CECR2: variants seen among roughly 807,000 people sequenced by gnomAD.
CECR2 encodes chromatin remodeling regulator CECR2.
In CECR2, 30 loss-of-function variants were observed where a neutral mutation model predicts 154.5. The observed-to-expected ratio is 0.19, with a 90% confidence interval of 0.15 to 0.26. The LOEUF (loss-of-function observed/expected upper bound fraction) is 0.26, where lower values mean the gene tolerates loss of function less well. CECR2 is among the 10% of genes least tolerant of loss of function. CECR2 has a pLI of 1.00. For synonymous variants in CECR2, 725 were observed against 683.7 expected (o/e 1.06, Z -0.94); for missense variants, 1,743 against 1,829.3 (o/e 0.95, Z 0.86).
At chr22:17,459,731 T>A (rs2054908425) in intron 1 of CECR2, among the ~76,000 whole-genome samples, 1 of 152,212 alleles carries the variant, frequency 6.6e-6, no homozygotes, top group African/African-American at 2.4e-5. Context: ...CTCCTGAACT[T>A]CTTTGTGATG....
intron 2 of CECR2, among the ~76,000 whole-genome samples, chr22:17,481,412 T>C (rs1017456986): frequency 6.6e-6 from 1 of 151,424 alleles, no homozygotes; most frequent in Non-Finnish European, 1.5e-5. Context: ...AAAATGGAAT[T>C]AGTGACAATA....
At chr22:17,469,396 G>C (rs953110693) in intron 1 of CECR2, among the ~76,000 whole-genome samples, 3 of 152,130 alleles carry the variant, frequency 2.0e-5, no homozygotes, top group Non-Finnish European at 4.4e-5. Context: ...CTAATACTAG[G>C]AGTTGAGAAT....
chr22:17,523,004 C>CGGTG (rs1555925702), intron 8 of CECR2, among the ~76,000 whole-genome samples: 2 of 131,420 alleles, frequency 1.5e-5, no homozygotes, highest in Non-Finnish European at 3.4e-5. Flanking sequence ...GACTCCATCT[C>CGGTG]GGGGGGAAAA....
At chr22:17,413,873 T>C (rs1191097996) in intron 1 of CECR2, among the ~76,000 whole-genome samples, 1 of 149,422 alleles carries the variant, frequency 6.7e-6, no homozygotes, top group Non-Finnish European at 1.5e-5. Context: ...GAGACAGGGT[T>C]TCACCATGGT....
intron 1 of CECR2, among the ~76,000 whole-genome samples, chr22:17,460,416 G>A (rs2054920015): frequency 6.6e-6 from 1 of 152,150 alleles, no homozygotes; most frequent in Non-Finnish European, 1.5e-5. Flanking sequence ...CGCCATGTTG[G>A]CCAGGCTGGT....
rs758750721 is a variant in CECR2 at position 17,500,652 on chromosome 22, T to A, written c.567T>A (p.Asn189Lys). 13 of 1,553,522 alleles carry A rather than the reference T, an allele frequency of 8.4e-6. No individual in the cohort carries two copies. The highest frequency in any genetic ancestry group is 8.2e-5 in the African/African-American group (6 of 72,858). Reference sequence around the variant, plus strand: ...TTAGGGAAAGTGAAGGACAAAAAAATGTCTCAAGTATTCCTGGAAAAACGG... The same window carrying A: ...TTAGGGAAAGTGAAGGACAAAAAAAAGTCTCAAGTATTCCTGGAAAAACGG... Reference protein sequence around the residue: ...SLSRESEGQKNVSSIPGKTGK... With the variant: ...SLSRESEGQKKVSSIPGKTGK... Residue 189 changes from asparagine to lysine, a missense_variant, in exon 5 of 19, where the codon AAT becomes AAA. Physicochemically the swap from Asn to Lys is moderately conservative, Grantham distance 94. This residue lies in a region of CECR2 where 292 missense variants were observed against 301.2 expected (regional missense o/e 0.97). Transcript: ENST00000262608.
intron 1 of CECR2, among the ~76,000 whole-genome samples, chr22:17,448,349 C>T (rs2054711088): frequency 6.6e-6 from 1 of 152,076 alleles, no homozygotes; most frequent in South Asian, 2.1e-4. Flanking sequence ...TGTTATAATT[C>T]TTTTATCATT....
At chr22:17,498,979 T>TTATG (rs754868340) in intron 3 of CECR2, among the ~76,000 whole-genome samples, 50 of 151,750 alleles carry the variant, frequency 3.3e-4, no homozygotes, top group Admixed American at 3.9e-4. Flanking sequence ...TTGGACATTT[T>TTATG]TATTTATTTA....
chr22:17,544,109 C>T (rs2056572962), intron 16 of CECR2, among the ~76,000 whole-genome samples: 1 of 152,104 alleles, frequency 6.6e-6, no homozygotes, highest in African/African-American at 2.4e-5. Context: ...CTCATGCCTG[C>T]AGTCCCAGAA....
chr22:17,398,240 A>G (rs1388114298), intron 1 of CECR2, among the ~76,000 whole-genome samples: 3 of 152,072 alleles, frequency 2.0e-5, no homozygotes, highest in African/African-American at 4.8e-5. Context: ...TACGTGTTAT[A>G]AAGAGGGAGC....
chr22:17,383,573 G>T (rs1306988006), intron 1 of CECR2, among the ~76,000 whole-genome samples: 1 of 149,284 alleles, frequency 6.7e-6, no homozygotes, highest in Admixed American at 6.7e-5. Context: ...TTCAGACCAG[G>T]TTAAAAAAGA....
intron 1 of CECR2, among the ~76,000 whole-genome samples, chr22:17,400,398 A>G (rs2146531937): frequency 6.6e-6 from 1 of 152,330 alleles, no homozygotes; most frequent in East Asian, 1.9e-4. Flanking sequence ...TGGAATGGAT[A>G]GCAGGGTACA....
intron 7 of CECR2, 66 bp downstream of exon 7, chr22:17,505,082 T>C (rs1360446465): frequency 6.8e-7 from 1 of 1,476,322 alleles, no homozygotes; most frequent in Non-Finnish European, 9.2e-7. Context: ...TTAAGGATTA[T>C]TCATGAGACC....
At chr22:17,476,911 C>G (rs780876141) in intron 1 of CECR2, among the ~76,000 whole-genome samples, 1 of 152,188 alleles carries the variant, frequency 6.6e-6, no homozygotes, top group Non-Finnish European at 1.5e-5. Context: ...GGTCCCTTTC[C>G]AAACAATTGC....
At chr22:17,466,598 C>CCTTTTTTTTTTTTTTTTTTTTTTTT (rs555359003) in intron 1 of CECR2, among the ~76,000 whole-genome samples, 1 of 140,182 alleles carries the variant, frequency 7.1e-6, no homozygotes, top group Non-Finnish European at 1.6e-5. Context: ...AAAACCTTGC[C>CCTTTTTTTTTTTTTTTTTTTTTTTT]TTTTTTTTTT....
Position 17,524,152 on chromosome 22 carries a change from A to G in CECR2, c.989A>G (p.Lys330Arg). Reference protein sequence around the residue: ...TPVLTRIEKQKRKEEEEERQI... With the variant: ...TPVLTRIEKQRRKEEEEERQI... ...GTGCTGACCAGAATAGAAAAACAAA[A>G]GCGCAAAGAGGAGGAAGAAGAGCGT... is the stretch of plus-strand genomic sequence containing the variant. The change falls in exon 9 of 19, where the codon AAG becomes AGG. Residue 330 changes from lysine to arginine, a missense_variant. Around this residue, in one of 4 missense-constraint regions of CECR2, gnomAD observed 292 missense variants for 301.2 expected, o/e 0.97. Coordinates refer to ENST00000262608, the MANE Select transcript of CECR2 (RefSeq NM_001290047.2). The G allele has an allele frequency of 6.2e-7, 1 of 1,601,186 alleles. No homozygotes were observed. Among genetic ancestry groups the G allele is most frequent in the Non-Finnish European group, 8.5e-7 (1 of 1,173,924 alleles).
At chr22:17,519,288 TTGTG>T (rs35633133) in intron 8 of CECR2, among the ~76,000 whole-genome samples, 1 of 140,672 alleles carries the variant, frequency 7.1e-6, no homozygotes, top group African/African-American at 2.9e-5. Context: ...CTCAGGTGTT[TTGTG>T]TTTTTTTTTT....
chr22:17,404,123 AT>A (rs1360629107), intron 1 of CECR2, among the ~76,000 whole-genome samples: 23 of 151,356 alleles, frequency 1.5e-4, no homozygotes, highest in African/African-American at 3.9e-4. Context: ...GCCGGGCGTC[AT>A]GTTGCACGTC....
At chr22:17,485,230 A>G (rs939327304) in intron 2 of CECR2, among the ~76,000 whole-genome samples, 3 of 152,226 alleles carry the variant, frequency 2.0e-5, no homozygotes, top group African/African-American at 7.2e-5. Context: ...GAGAAGTTAA[A>G]TAAATTGCCC....
Sources: gnomAD v4.1 joint callset for allele counts (sites outside exome capture counted in the v4.1 genomes callset) on GRCh38, gnomAD v4.1.1 for gene constraint, gnomAD v4.1.1 regional missense constraint, MANE v1.5 for transcripts, NCBI Gene and HGNC (gene_info 2026-07-23, HGNC 2026-07-21) for gene names.